HYCC1: variants seen among roughly 807,000 people sequenced by gnomAD.
HYCC1 encodes hyccin.
the HYCC1 span, among the ~76,000 whole-genome samples, chr7:23,005,014 T>C: frequency 1.3e-5 from 2 of 152,008 alleles, no homozygotes; most frequent in African/African-American, 2.4e-5. Context: ...ACCGTGTTAG[T>C]CAGGATGGTC....
the HYCC1 span, among the ~76,000 whole-genome samples, chr7:23,006,616 A>G: frequency 1.4e-4 from 22 of 152,326 alleles, no homozygotes; most frequent in Non-Finnish European, 2.1e-4. Context: ...TTCCAAGCCT[A>G]TACATCACTC....
At chr7:22,955,579 A>G in the HYCC1 span, among the ~76,000 whole-genome samples, 2 of 151,738 alleles carry the variant, frequency 1.3e-5, no homozygotes, top group Non-Finnish European at 3.0e-5. Context: ...AACTATTTTG[A>G]AAGAAAGGAG....
chr7:23,002,765 T>C, the HYCC1 span, among the ~76,000 whole-genome samples: 2 of 152,318 alleles, frequency 1.3e-5, no homozygotes, highest in South Asian at 2.1e-4. Context: ...ATTTGTTTGC[T>C]AGGGCTGCCG....
the HYCC1 span, among the ~76,000 whole-genome samples, chr7:23,009,686 G>A: frequency 2.0e-5 from 3 of 152,042 alleles, no homozygotes; most frequent in Non-Finnish European, 2.9e-5. Context: ...GTGAGGATAG[G>A]TATTACTTTT....
the HYCC1 span, among the ~76,000 whole-genome samples, chr7:22,929,905 C>T: frequency 3.3e-5 from 5 of 152,136 alleles, no homozygotes; most frequent in East Asian, 7.7e-4. Context: ...ATGTTTATAG[C>T]GGCACTATTC....
chr7:22,985,795 T>C, the HYCC1 span: 4 of 149,890 alleles, frequency 2.7e-5, no homozygotes, highest in Non-Finnish European at 5.9e-5. Context: ...CCTAATCCTC[T>C]GAATAAAAAT....
the HYCC1 span, among the ~76,000 whole-genome samples, chr7:22,955,366 C>A: frequency 6.6e-5 from 10 of 151,482 alleles, no homozygotes; most frequent in Non-Finnish European, 5.9e-5. Flanking sequence ...TTATGTAGTG[C>A]TTTAAAGTAT....
At chr7:22,985,231 A>C in the HYCC1 span, among the ~76,000 whole-genome samples, 587 of 152,294 alleles carry the variant, frequency 3.9e-3, 6 homozygotes, top group African/African-American at 0.014. Flanking sequence ...AATATGGGTT[A>C]TGATTAGTAT....
chr7:22,925,666 G>C, the HYCC1 span, among the ~76,000 whole-genome samples: 1 of 152,132 alleles, frequency 6.6e-6, no homozygotes, highest in Non-Finnish European at 1.5e-5. Context: ...AATCCTCCAA[G>C]AAATACGGGA....
chr7:23,006,178 T>C, the HYCC1 span, among the ~76,000 whole-genome samples: 1 of 152,194 alleles, frequency 6.6e-6, no homozygotes, highest in African/African-American at 2.4e-5. Flanking sequence ...CCTAACTGAA[T>C]TAATTAAATG....
chr7:22,976,267 G>C, the HYCC1 span: 4 of 1,613,132 alleles, frequency 2.5e-6, no homozygotes, highest in Non-Finnish European at 3.4e-6. Flanking sequence ...AGTTAAGGCA[G>C]CATTGTAACA....
chr7:22,981,259 G>A, the HYCC1 span, among the ~76,000 whole-genome samples: 6 of 152,048 alleles, frequency 3.9e-5, no homozygotes, highest in African/African-American at 1.2e-4. Context: ...CATTAAATGC[G>A]TTTAATAAAT....
the HYCC1 span, among the ~76,000 whole-genome samples, chr7:22,968,478 T>C: frequency 6.6e-6 from 1 of 152,176 alleles, no homozygotes; most frequent in Non-Finnish European, 1.5e-5. Flanking sequence ...GCTTGGACTT[T>C]TATGTGAGAG....
the HYCC1 span, among the ~76,000 whole-genome samples, chr7:22,971,198 AG>A: frequency 6.6e-6 from 1 of 151,024 alleles, no homozygotes. Flanking sequence ...CATTCCAGTG[AG>A]TTTATTTATT....
the HYCC1 span, among the ~76,000 whole-genome samples, chr7:22,933,362 G>A: frequency 6.6e-6 from 1 of 152,076 alleles, no homozygotes; most frequent in Non-Finnish European, 1.5e-5. Flanking sequence ...GTGCATGCAT[G>A]TTCATAATTG....
At chr7:22,987,999 A>C in the HYCC1 span, among the ~76,000 whole-genome samples, 492 of 152,304 alleles carry the variant, frequency 3.2e-3, 2 homozygotes, top group Non-Finnish European at 5.5e-3. Context: ...GAGATACGTT[A>C]CTCTAATTTT....
chr7:22,986,671 C>T, the HYCC1 span, among the ~76,000 whole-genome samples: 3 of 152,154 alleles, frequency 2.0e-5, no homozygotes. Flanking sequence ...CATGGTGAAA[C>T]CCCGTCTTTA....
the HYCC1 span, among the ~76,000 whole-genome samples, chr7:22,962,034 T>C: frequency 0.079 from 11,955 of 151,944 alleles, 654 homozygotes; most frequent in East Asian, 0.21. Flanking sequence ...GCCTAAAAAC[T>C]GGCAAGAACA....
the HYCC1 span, among the ~76,000 whole-genome samples, chr7:22,913,903 G>A: frequency 1.3e-3 from 205 of 152,276 alleles, 7 homozygotes; most frequent in East Asian, 0.034. Context: ...CACTCCATGA[G>A]GAGATCCACC....
Sources: allele counts gnomAD v4.1 joint callset (sites outside exome capture counted in the v4.1 genomes callset), GRCh38; gene constraint gnomAD v4.1.1; transcripts MANE v1.5; gene names NCBI Gene and HGNC (gene_info 2026-07-23, HGNC 2026-07-21).